TMEM132C: variants seen among roughly 807,000 people sequenced by gnomAD.
The protein encoded by TMEM132C is transmembrane protein 132C.
In TMEM132C, 29 loss-of-function variants were observed where a neutral mutation model predicts 61.4. That is an observed-to-expected ratio of 0.47 (90% CI 0.35 to 0.64). The LOEUF (loss-of-function observed/expected upper bound fraction) is 0.64, where lower values mean the gene tolerates loss of function less well. TMEM132C is among the 30% of genes least tolerant of loss of function. TMEM132C has a pLI of 0.00. For missense variants in TMEM132C, 1,408 were observed against 1,476.9 expected (o/e 0.95, Z 0.76); for synonymous variants, 656 against 633.1 (o/e 1.04, Z -0.54).
rs113293400 is a variant in TMEM132C at position 128,400,591 on chromosome 12, A to G, written c.86-14141A>G. ...TGCTAACAGGATGCCCCCCAACCCC[A>G]TTCTTTTGTTTTTTTTTTTTTTTGT... On this transcript the variant is annotated intron_variant, in intron 1 of 8. Transcript: ENST00000435159. Among the ~76,000 whole-genome samples the G allele has an allele frequency of 4.4e-5, 4 of 91,174 alleles. No individual in the cohort carries two copies. The Admixed American group carries it at 6.4e-4, about 15-fold the overall frequency. 59.8% of individuals were successfully genotyped at this position (91,174 alleles called of 152,430 possible). A position where few individuals can be genotyped will look rare whatever the true frequency, so the allele number is the denominator to read the frequency against.
chr12:128,506,263 A>G (rs1471519543), intron 2 of TMEM132C, among the ~76,000 whole-genome samples: 1 of 152,240 alleles, frequency 6.6e-6, no homozygotes, highest in Non-Finnish European at 1.5e-5. Flanking sequence ...CATCTGCATT[A>G]CATGGGTCTC....
chr12:128,399,662 T>C (rs1875083084), intron 1 of TMEM132C, among the ~76,000 whole-genome samples: 1 of 152,138 alleles, frequency 6.6e-6, no homozygotes, highest in East Asian at 1.9e-4. Flanking sequence ...AAAGTTCTCC[T>C]ATGCATGAAA....
intron 2 of TMEM132C, among the ~76,000 whole-genome samples, chr12:128,452,181 C>T (rs1870195701): frequency 6.6e-6 from 1 of 152,054 alleles, no homozygotes. Context: ...GCATCCTTCA[C>T]TTCCCAAGAC....
intron 2 of TMEM132C, among the ~76,000 whole-genome samples, chr12:128,542,129 G>A (rs1873780682): frequency 6.6e-6 from 1 of 152,048 alleles, no homozygotes; most frequent in Non-Finnish European, 1.5e-5. Context: ...CTGAGTCTGG[G>A]GGGCTCTTTG....
chr12:128,479,561 C>T (rs1279943552), intron 2 of TMEM132C, among the ~76,000 whole-genome samples: 1 of 152,186 alleles, frequency 6.6e-6, no homozygotes. Context: ...TATCAGAGCC[C>T]AGTCCAGTCA....
intron 2 of TMEM132C, among the ~76,000 whole-genome samples, chr12:128,513,996 T>C (rs2136120771): frequency 6.6e-6 from 1 of 152,288 alleles, no homozygotes; most frequent in East Asian, 1.9e-4. Context: ...CTGAGTTAGC[T>C]TTGCCATTCC....
intron 1 of TMEM132C, among the ~76,000 whole-genome samples, chr12:128,268,529 T>C (rs959087866): frequency 1.3e-5 from 2 of 151,642 alleles, no homozygotes; most frequent in African/African-American, 4.8e-5. Flanking sequence ...CTGGCGAAGG[T>C]CTCGGGTTCA....
At chr12:128,629,094 A>G (rs1478492959) in intron 4 of TMEM132C, among the ~76,000 whole-genome samples, 3 of 152,234 alleles carry the variant, frequency 2.0e-5, no homozygotes, top group African/African-American at 4.8e-5. Flanking sequence ...AGTGATTTCA[A>G]TCTCTCTTAC....
chr12:128,399,289 TA>T (rs1288731030), intron 1 of TMEM132C, among the ~76,000 whole-genome samples: 1 of 152,196 alleles, frequency 6.6e-6, no homozygotes, highest in Non-Finnish European at 1.5e-5. Context: ...AAGGCCATCA[TA>T]AAGAACAGGA....
intron 5 of TMEM132C, among the ~76,000 whole-genome samples, 151 bp downstream of exon 5, chr12:128,669,711 A>G (rs1954513060): frequency 1.3e-5 from 2 of 152,280 alleles, no homozygotes; most frequent in South Asian, 2.1e-4. Flanking sequence ...CAACGTGTCC[A>G]TTGCCATCTC....
chr12:128,567,374 GTGT>G, intron 3 of TMEM132C, among the ~76,000 whole-genome samples: 1 of 151,946 alleles, frequency 6.6e-6, no homozygotes, highest in Admixed American at 6.6e-5. Context: ...TAATAATACT[GTGT>G]TGTTTACTTT....
rs138130465 is a variant in TMEM132C at position 128,576,636 on chromosome 12, G to A, written c.1121+32533G>A. Among the ~76,000 whole-genome samples the A allele has an allele frequency of 7.9e-5, 12 of 152,220 alleles. No homozygotes were observed. The East Asian group carries it at 2.1e-3, about 27-fold the overall frequency. On this transcript the variant is annotated intron_variant, in intron 3 of 8. Transcript: ENST00000435159. ...GGCACTTGGTATGCATCTCTTAATC[G>A]TCACATCCATCCTCTGCAATTATTT... is the stretch of plus-strand genomic sequence containing the variant.
At chr12:128,611,256 G>T (rs10847655) in intron 3 of TMEM132C, among the ~76,000 whole-genome samples, 49,386 of 152,050 alleles carry the variant, frequency 0.32, 8,456 homozygotes, top group Middle Eastern at 0.43. Context: ...CCCTTAAAGG[G>T]CCATGGCTTT....
chr12:128,436,782 C>A (rs1293682496), intron 2 of TMEM132C, among the ~76,000 whole-genome samples: 1 of 152,142 alleles, frequency 6.6e-6, no homozygotes, highest in African/African-American at 2.4e-5. Flanking sequence ...CTGACCCAGC[C>A]ATCCCATTAC....
chr12:128,676,849 G>A (rs943654808), intron 5 of TMEM132C, among the ~76,000 whole-genome samples: 1 of 152,210 alleles, frequency 6.6e-6, no homozygotes, highest in Non-Finnish European at 1.5e-5. Flanking sequence ...ATGAAGCCAG[G>A]CCAGTGTGCG....
At chr12:128,537,618 A>G (rs11059744) in intron 2 of TMEM132C, among the ~76,000 whole-genome samples, 84,127 of 151,686 alleles carry the variant, frequency 0.55, 24,292 homozygotes, top group Middle Eastern at 0.64. Context: ...AGTGCTAGAG[A>G]ACAGACCAGT....
intron 2 of TMEM132C, among the ~76,000 whole-genome samples, chr12:128,495,871 C>G (rs1433242152): frequency 6.6e-6 from 1 of 152,144 alleles, no homozygotes; most frequent in Non-Finnish European, 1.5e-5. Flanking sequence ...TTGATCCTGT[C>G]ATTATGATGT....
rs1029079183 is a variant in TMEM132C, at chr12:128,697,368, G to A, written c.2074G>A (p.Val692Ile). ...CCCCAACGCAGAAAACAGCAAGGCC[G>A]TAACAGCTGTGGTCACAGCTGAGGA... ...LYPNAENSKA[V>I]TAVVTAEEVL... The change falls in exon 8 of 9, where the codon GTA becomes ATA. Residue 692 changes from valine to isoleucine, a missense_variant. Physicochemically the swap from Val to Ile is conservative, Grantham distance 29. Transcript: ENST00000435159. The A allele has an allele frequency of 9.0e-6, 14 of 1,550,572 alleles. No individual in the cohort carries two copies. The highest frequency in any genetic ancestry group is 3.9e-5 in the Admixed American group (2 of 50,938).
chr12:128,512,012 G>A (rs943038214), intron 2 of TMEM132C, among the ~76,000 whole-genome samples: 5 of 152,074 alleles, frequency 3.3e-5, no homozygotes, highest in Admixed American at 1.3e-4. Context: ...CTGCTGTGTC[G>A]GTCCAAGCAC....
Sources: gnomAD v4.1 joint callset for allele counts (sites outside exome capture counted in the v4.1 genomes callset) on GRCh38, gnomAD v4.1.1 for gene constraint, MANE v1.5 for transcripts, NCBI Gene and HGNC (gene_info 2026-07-23, HGNC 2026-07-21) for gene names.